IL12RB1: variants seen among roughly 807,000 people sequenced by gnomAD.
IL12RB1 encodes interleukin-12 receptor subunit beta-1.
IL12RB1 carries 64 observed loss-of-function variants against 94.4 expected under a neutral mutation model. The observed-to-expected ratio is 0.68, with a 90% CI of 0.55 to 0.83. The LOEUF is 0.83. Among genes scored for constraint, IL12RB1 ranks in the 40% least tolerant of loss-of-function variants. The probability of loss-of-function intolerance (pLI) is 0.00; values close to 1 mark genes in which losing one functional copy is unlikely to be tolerated. For synonymous variants in IL12RB1, 362 were observed against 355.5 expected, an observed-to-expected ratio of 1.02 and a Z score of -0.21; for missense variants, 814 against 855.6, an observed-to-expected ratio of 0.95 and a Z score of 0.61.
chr19:18,065,218 G>T (rs1296314798), intron 12 of IL12RB1, among the ~76,000 whole-genome samples: 1 of 151,994 alleles, frequency 6.6e-6, no homozygotes, highest in African/African-American at 2.4e-5. Flanking sequence ...AAACCCTCCT[G>T]GCTAAACCCT....
chr19:18,072,267 A>G lies in IL12RB1; in HGVS notation c.866T>C (p.Leu289Pro). The change falls in exon 9 of 17, where the codon CTG (leucine) becomes CCG (proline). Residue 289 changes from leucine (L) to proline (P), a missense_variant. Leu to Pro is a moderately conservative substitution (Grantham distance 98, BLOSUM62 -3). Coordinates refer to ENST00000593993, the MANE Select transcript of IL12RB1 (RefSeq NM_005535.3). ...EVTYRLQLHMLSCPCKAKATR... is the reference protein window; with the variant it reads ...EVTYRLQLHMPSCPCKAKATR... ...GGCCTTGGCCTTACACGGGCAGGACAGCATGTGGAGCTGTAGTCGGTAAGT... is the reference window on the plus strand; with the variant it reads ...GGCCTTGGCCTTACACGGGCAGGACGGCATGTGGAGCTGTAGTCGGTAAGT... 6.2e-7 allele frequency: 1 copy of G among 1,614,124 alleles called. No individual in the cohort carries two copies. Among genetic ancestry groups the G allele is most frequent in the Non-Finnish European group, 8.5e-7 (1 of 1,179,994 alleles).
At chr19:18,083,189 A>G (rs2036035201) in intron 2 of IL12RB1, 4 of 614,118 alleles carry the variant, frequency 6.5e-6, no homozygotes, top group Non-Finnish European at 1.2e-5. Flanking sequence ...ATCTGAACGG[A>G]CACAGACACC....
chr19:18,059,517 G>A lies in IL12RB1; in HGVS notation c.*91C>T. 1.3e-6 allele frequency: 1 copy of A among 751,556 alleles called. No individual in the cohort carries two copies. The highest frequency in any genetic ancestry group is 2.5e-6 in the Non-Finnish European group (1 of 403,086). The allele number at this position is 751,556 out of a possible 1,614,324, so 46.6% of individuals were successfully genotyped here. On this transcript the variant is annotated 3_prime_UTR_variant, in exon 17 of 17. Transcript: ENST00000593993. ...GAGGAGGCAGGTGCACTGGAGCCTG[G>A]AGGAGCTCTGGGTTATTTGGGTCCA...
Position 18,086,802 on chromosome 19 carries a change from C to T in IL12RB1, c.22G>A (p.Val8Met). 6.2e-7 allele frequency: 1 copy of T among 1,611,962 alleles called. No individual in the cohort carries two copies. The change falls in exon 1 of 17, where the codon GTG becomes ATG. Residue 8 changes from valine to methionine, a missense_variant. Transcript: ENST00000593993. Reference sequence around the variant, plus strand: ...AGGAAGAGGAAGAGGAGGGGGACCACCCAGGTCACCAGCGGCTCCATCGGA... The same window carrying T: ...AGGAAGAGGAAGAGGAGGGGGACCATCCAGGTCACCAGCGGCTCCATCGGA... MEPLVTW[V>M]VPLLFLFLLS...
intron 10 of IL12RB1, 26 bp downstream of exon 10, chr19:18,069,520 A>G: frequency 6.3e-7 from 1 of 1,581,952 alleles, no homozygotes; most frequent in Non-Finnish European, 8.6e-7. Flanking sequence ...GAGGAGGGGT[A>G]GGCGCAGGCC....
chr19:18,074,478 T>A (rs1235067411), intron 7 of IL12RB1, among the ~76,000 whole-genome samples: 1 of 152,170 alleles, frequency 6.6e-6, no homozygotes, highest in East Asian at 1.9e-4. Context: ...CTGAGCGCAG[T>A]GGCTCATACC....
intron 1 of IL12RB1, among the ~76,000 whole-genome samples, chr19:18,097,320 GGC>G (rs1305888648): frequency 6.6e-6 from 1 of 152,082 alleles, no homozygotes; most frequent in African/African-American, 2.4e-5. Context: ...TGGGATTACA[GGC>G]GCGCGTCACC....
chr19:18,066,365 C>G (rs1407350957), intron 12 of IL12RB1, among the ~76,000 whole-genome samples, 177 bp downstream of exon 12: 2 of 152,184 alleles, frequency 1.3e-5, no homozygotes, highest in Middle Eastern at 3.4e-3. Context: ...CCTTGGCCTC[C>G]CAAAGTGCTG....
chr19:18,091,962 C>T (rs1048481195), upstream of IL12RB1, among the ~76,000 whole-genome samples: 2 of 151,096 alleles, frequency 1.3e-5, no homozygotes, highest in African/African-American at 2.4e-5. Context: ...CTATAACCTC[C>T]GCCTCCTGAG....
At chr19:18,078,008 G>A (rs2035610593) in intron 4 of IL12RB1, among the ~76,000 whole-genome samples, 1 of 152,004 alleles carries the variant, frequency 6.6e-6, no homozygotes, top group Non-Finnish European at 1.5e-5. Context: ...ACTTAGGAGA[G>A]TGAGATGGGA....
intron 1 of IL12RB1, among the ~76,000 whole-genome samples, chr19:18,085,252 A>G (rs2146477593): frequency 6.6e-6 from 1 of 152,208 alleles, no homozygotes; most frequent in Non-Finnish European, 1.5e-5. Flanking sequence ...AACAGCCCCA[A>G]GTGTCCAACC....
At chr19:18,072,048 G>A (rs2035094249) in intron 9 of IL12RB1, 64 bp downstream of exon 9, 1 of 1,109,868 alleles carries the variant, frequency 9.0e-7, no homozygotes, top group Non-Finnish European at 1.4e-6. Flanking sequence ...GTCTAGCTGA[G>A]GCTCAGAGTA....
At chr19:18,097,799 G>T (rs1024224204) in intron 1 of IL12RB1, 6 of 1,223,126 alleles carry the variant, frequency 4.9e-6, no homozygotes, top group African/African-American at 1.6e-5. Flanking sequence ...GGCCATGGAC[G>T]AGTCGAGCCT....
chr19:18,069,140 G>C (rs2034821579), intron 10 of IL12RB1, among the ~76,000 whole-genome samples: 1 of 152,164 alleles, frequency 6.6e-6, no homozygotes, highest in Non-Finnish European at 1.5e-5. Context: ...CTGGGGCTCT[G>C]GCAAGGCCCA....
At chr19:18,080,665 T>C (rs1185908557) in intron 4 of IL12RB1, among the ~76,000 whole-genome samples, 167 bp downstream of exon 4, 2 of 152,284 alleles carry the variant, frequency 1.3e-5, no homozygotes, top group East Asian at 3.9e-4. Context: ...AAGGGGACCA[T>C]GAAAGACTGC....
At chr19:18,089,686 T>C (rs925915153), upstream of IL12RB1, among the ~76,000 whole-genome samples, 5 of 151,560 alleles carry the variant, frequency 3.3e-5, no homozygotes, top group African/African-American at 1.2e-4. Context: ...AAAAGAAATA[T>C]TCTTAGAGTC....
At chr19:18,083,723 C>A (rs1431548662) in intron 1 of IL12RB1, among the ~76,000 whole-genome samples, 3 of 149,428 alleles carry the variant, frequency 2.0e-5, no homozygotes, top group Non-Finnish European at 4.5e-5. Context: ...CATCCATCCA[C>A]CCATGAATTC....
In IL12RB1 at chr19:18,086,814, GC is replaced by G; in HGVS notation, c.9del (p.Leu4TrpfsTer2). ME[P>X]LVTWVVPLLF... is the part of the protein sequence containing the mutation. ...AGGAGGGGGACCACCCAGGTCACCA[GC>G]GGCTCCATCGGATCCACGTAGAGCC... On this transcript the variant is annotated frameshift_variant, in exon 1 of 17. Coordinates refer to ENST00000593993, the MANE Select transcript of IL12RB1 (RefSeq NM_005535.3). LOFTEE classifies it high-confidence loss of function. 6.2e-7 allele frequency: 1 copy of G among 1,611,338 alleles called. No individual in the cohort carries two copies. The highest frequency in any genetic ancestry group is 8.5e-7 in the Non-Finnish European group (1 of 1,179,164).
intron 1 of IL12RB1, chr19:18,097,684 C>T (rs1445932415): frequency 2.4e-5 from 16 of 654,792 alleles, no homozygotes; most frequent in Admixed American, 5.0e-5. Context: ...CCGGGAGGGG[C>T]GGGGCCAGGC....
Sources: allele counts gnomAD v4.1 joint callset (sites outside exome capture counted in the v4.1 genomes callset), GRCh38; gene constraint gnomAD v4.1.1; transcripts MANE v1.5; gene names NCBI Gene and HGNC (gene_info 2026-07-23, HGNC 2026-07-21).